PRDM5: variants seen among roughly 807,000 people sequenced by gnomAD.
PRDM5 encodes the protein PR/SET domain 5, also known as PR domain zinc finger protein 5.
In PRDM5, 56 loss-of-function variants were observed where a neutral mutation model predicts 81.2. The observed-to-expected ratio is 0.69, with a 90% CI of 0.56 to 0.86. PRDM5 has a LOEUF of 0.86. PRDM5 is among the 40% of genes least tolerant of loss of function. The probability of loss-of-function intolerance (pLI) is 0.00; values close to 1 mark genes in which losing one functional copy is unlikely to be tolerated. For synonymous variants in PRDM5, 267 were observed against 256.4 expected, an observed-to-expected ratio of 1.04 and a Z score of -0.39; for missense variants, 697 against 770.1, an observed-to-expected ratio of 0.91 and a Z score of 1.12.
chr4:120,891,686 G>A (rs1764063179), intron 2 of PRDM5, among the ~76,000 whole-genome samples: 1 of 152,066 alleles, frequency 6.6e-6, no homozygotes, highest in Non-Finnish European at 1.5e-5. Context: ...GTCACCCAGA[G>A]TGACACGTTC....
At chr4:120,859,968 G>A (rs1252028566) in intron 2 of PRDM5, among the ~76,000 whole-genome samples, 9 of 152,170 alleles carry the variant, frequency 5.9e-5, no homozygotes, top group African/African-American at 1.2e-4. Context: ...TGGAAAGGAC[G>A]ATTATGACCT....
chr4:120,745,378 G>T, intron 14 of PRDM5, among the ~76,000 whole-genome samples: 1 of 129,090 alleles, frequency 7.7e-6, no homozygotes, highest in South Asian at 2.8e-4. Context: ...GCACAAGACA[G>T]GGATGCCCTC....
intron 3 of PRDM5, among the ~76,000 whole-genome samples, chr4:120,831,615 T>C (rs963653803): frequency 6.6e-6 from 1 of 151,964 alleles, no homozygotes; most frequent in African/African-American, 2.4e-5. Context: ...GCAAAACAAT[T>C]ATAAAAGGGG....
chr4:120,785,637 A>G (rs1311262871), intron 10 of PRDM5, among the ~76,000 whole-genome samples: 1 of 152,158 alleles, frequency 6.6e-6, no homozygotes, highest in Non-Finnish European at 1.5e-5. Context: ...ACATTCATTA[A>G]ATATTTAATT....
chr4:120,721,613 T>TA (rs147967878), intron 14 of PRDM5, among the ~76,000 whole-genome samples: 21,284 of 152,266 alleles, frequency 0.14, 1,684 homozygotes, highest in Middle Eastern at 0.23. Flanking sequence ...CTAAGAAATT[T>TA]AGAGACTGTT....
chr4:120,740,231 TG>T (rs1360311794), intron 14 of PRDM5, among the ~76,000 whole-genome samples: 1 of 152,194 alleles, frequency 6.6e-6, no homozygotes, highest in Admixed American at 6.5e-5. Context: ...TTTCAAACAG[TG>T]ACAATGAGGC....
At chr4:120,698,287 A>G (rs543834187) in intron 15 of PRDM5, among the ~76,000 whole-genome samples, 11 of 152,298 alleles carry the variant, frequency 7.2e-5, no homozygotes. Context: ...GCCCTCATTT[A>G]ACATGAATTC....
At chr4:120,782,644 T>A (rs1749203995) in intron 11 of PRDM5, among the ~76,000 whole-genome samples, 1 of 152,148 alleles carries the variant, frequency 6.6e-6, no homozygotes, top group South Asian at 2.1e-4. Context: ...TTTTTGTGTG[T>A]TTTTGTTGCA....
At chr4:120,737,677 T>C (rs1741317185) in intron 14 of PRDM5, among the ~76,000 whole-genome samples, 1 of 152,162 alleles carries the variant, frequency 6.6e-6, no homozygotes, top group Non-Finnish European at 1.5e-5. Context: ...TTGTCAAGTC[T>C]TTAGTGAGAA....
At chr4:120,792,973 T>C (rs917401743) in intron 10 of PRDM5, among the ~76,000 whole-genome samples, 1 of 152,090 alleles carries the variant, frequency 6.6e-6, no homozygotes, top group Non-Finnish European at 1.5e-5. Context: ...AAGTTTCAGT[T>C]ACACAGGATA....
chr4:120,757,428 T>C (rs558614190), intron 13 of PRDM5, among the ~76,000 whole-genome samples: 1 of 152,358 alleles, frequency 6.6e-6, no homozygotes, highest in East Asian at 1.9e-4. Context: ...TAAAGTAGTC[T>C]CAGTTTATGC....
At chr4:120,821,052 A>T (rs2149347008) in intron 4 of PRDM5, 119 bp downstream of exon 4, 1 of 1,236,492 alleles carries the variant, frequency 8.1e-7, no homozygotes, top group East Asian at 2.3e-5. Flanking sequence ...TAATTTTGAC[A>T]AAAACTAACT....
intron 1 of PRDM5, among the ~76,000 whole-genome samples, chr4:120,908,218 T>G (rs1014807327): frequency 6.6e-6 from 1 of 152,350 alleles, no homozygotes; most frequent in East Asian, 1.9e-4. Flanking sequence ...ACGGGACTTT[T>G]AAGGACATGT....
chr4:120,778,703 C>A (rs1217548428), intron 12 of PRDM5, among the ~76,000 whole-genome samples: 1 of 151,978 alleles, frequency 6.6e-6, no homozygotes, highest in East Asian at 1.9e-4. Flanking sequence ...AATCAACTAC[C>A]ATGCTAGCCA....
At chr4:120,790,236 T>C (rs1189116173) in intron 10 of PRDM5, among the ~76,000 whole-genome samples, 1 of 152,238 alleles carries the variant, frequency 6.6e-6, no homozygotes, top group African/African-American at 2.4e-5. Flanking sequence ...CTACCATTTA[T>C]TACAGCTAAC....
chr4:120,921,792 A>T (rs1724956637), intron 1 of PRDM5, among the ~76,000 whole-genome samples: 1 of 152,040 alleles, frequency 6.6e-6, no homozygotes, highest in African/African-American at 2.4e-5. Context: ...GTACGAACTG[A>T]GCAATGTGCT....
intron 2 of PRDM5, chr4:120,885,882 A>G (rs1428839117): frequency 6.6e-6 from 1 of 152,104 alleles, no homozygotes; most frequent in Non-Finnish European, 1.5e-5. Flanking sequence ...CACAAAAGTT[A>G]TGTGTTTTTT....
intron 8 of PRDM5, among the ~76,000 whole-genome samples, chr4:120,807,937 A>G (rs1262298858): frequency 6.6e-6 from 1 of 151,690 alleles, no homozygotes; most frequent in Non-Finnish European, 1.5e-5. Context: ...CTTCGCGGTG[A>G]GTGTTACAGT....
intron 14 of PRDM5, among the ~76,000 whole-genome samples, chr4:120,726,449 C>A (rs1264013884): frequency 6.6e-6 from 1 of 152,156 alleles, no homozygotes; most frequent in African/African-American, 2.4e-5. Context: ...CACACTGGTG[C>A]CTTCAGAGAA....
Sources: gnomAD v4.1 joint callset for allele counts (sites outside exome capture counted in the v4.1 genomes callset) on GRCh38, gnomAD v4.1.1 for gene constraint, MANE v1.5 for transcripts, NCBI Gene and HGNC (gene_info 2026-07-23, HGNC 2026-07-21) for gene names.